The following PRKCE variants were observed in gnomAD, a reference collection of about 807,000 sequenced individuals.
PRKCE encodes protein kinase C epsilon type.
In PRKCE, 16 loss-of-function variants were observed where a neutral mutation model predicts 85.4. That is an observed-to-expected ratio of 0.19 (90% CI 0.13 to 0.28). The LOEUF (loss-of-function observed/expected upper bound fraction) is 0.28. PRKCE is among the 10% of genes least tolerant of loss of function. The pLI is 1.00. For missense variants in PRKCE, 573 were observed against 975.2 expected (o/e 0.59, Z 5.49); for synonymous variants, 388 against 371.5 (o/e 1.04, Z -0.51).
intron 11 of PRKCE, among the ~76,000 whole-genome samples, chr2:46,120,996 T>A (rs992478591): frequency 2.0e-5 from 3 of 152,226 alleles, no homozygotes; most frequent in Non-Finnish European, 4.4e-5. Context: ...AGATGATTTT[T>A]AAAAACCTAA....
chr2:46,101,333 G>A (rs1671201148), intron 11 of PRKCE, among the ~76,000 whole-genome samples: 1 of 152,188 alleles, frequency 6.6e-6, no homozygotes, highest in Admixed American at 6.5e-5. Flanking sequence ...ACCTCAGCCA[G>A]TTTAGAAAAA....
chr2:46,181,349 C>A (rs531273286), intron 14 of PRKCE, among the ~76,000 whole-genome samples: 117 of 152,278 alleles, frequency 7.7e-4, no homozygotes, highest in African/African-American at 2.6e-3. Flanking sequence ...AACTCACATG[C>A]ACCTGAAATG....
intron 1 of PRKCE, among the ~76,000 whole-genome samples, chr2:45,661,736 T>G (rs1660676754): frequency 6.6e-6 from 1 of 150,678 alleles, no homozygotes; most frequent in Non-Finnish European, 1.5e-5. Flanking sequence ...GGAAGGGGTT[T>G]CACCATGTTA....
chr2:45,895,982 G>A lies in PRKCE; in HGVS notation c.412+52919G>A, dbSNP rs1403396704. On this transcript the variant is annotated intron_variant, in intron 2 of 14. Coordinates refer to ENST00000306156, the MANE Select transcript of PRKCE (RefSeq NM_005400.3). The surrounding 1 kb of genome is among the most constrained non-coding windows in gnomAD (Gnocchi z 4.8). ...TGAAGGAGGGCACTTCAGGTAGAGC[G>A]TGGGCACTGCACAATGGTTGTCCTG... Among the ~76,000 whole-genome samples, 2 of 152,208 alleles carry A rather than the reference G, an allele frequency of 1.3e-5. No homozygotes were observed. Among genetic ancestry groups the A allele is most frequent in the Non-Finnish European group, 1.5e-5 (1 of 68,046 alleles).
chr2:46,186,722 T>TG lies in PRKCE; in HGVS notation c.*1842dup, dbSNP rs1680474689. ...GATAGAGATGGGGGAGAGAAAGGAA[T>TG]GTTTTTGATGGTGGTTTCAAAGCTC... is the stretch of plus-strand genomic sequence containing the variant. On this transcript the variant is annotated 3_prime_UTR_variant, in exon 15 of 15. Coordinates refer to ENST00000306156, the MANE Select transcript of PRKCE (RefSeq NM_005400.3). 2 of 152,748 alleles carry TG rather than the reference T, an allele frequency of 1.3e-5. No individual in the cohort carries two copies. Among genetic ancestry groups the TG allele is most frequent in the South Asian group, 4.1e-4 (2 of 4,828 alleles). The allele number at this position is 152,748 out of a possible 1,614,324, so 9.5% of individuals were successfully genotyped here.
chr2:45,876,219 T>A (rs1694468567), intron 2 of PRKCE, among the ~76,000 whole-genome samples: 1 of 152,222 alleles, frequency 6.6e-6, no homozygotes, highest in Non-Finnish European at 1.5e-5. Flanking sequence ...GAAAATCTCG[T>A]CAAATCACTT....
At chr2:45,794,225 C>T (rs900568211) in intron 1 of PRKCE, among the ~76,000 whole-genome samples, 3 of 152,088 alleles carry the variant, frequency 2.0e-5, no homozygotes, top group East Asian at 3.8e-4. Flanking sequence ...CGGATATCGA[C>T]GTTTTAAAAA....
At chr2:45,695,729 C>G (rs1678089175) in intron 1 of PRKCE, among the ~76,000 whole-genome samples, 1 of 152,156 alleles carries the variant, frequency 6.6e-6, no homozygotes, top group Admixed American at 6.5e-5. Flanking sequence ...TGAGATCACG[C>G]CACTGAACTC....
intron 14 of PRKCE, among the ~76,000 whole-genome samples, chr2:46,167,255 G>C (rs532698579): frequency 6.6e-6 from 1 of 152,130 alleles, no homozygotes; most frequent in African/African-American, 2.4e-5. Flanking sequence ...TCTGAGCCTC[G>C]GTCTGCTGAT....
At chr2:46,084,374 A>G (rs1669378869) in intron 10 of PRKCE, among the ~76,000 whole-genome samples, 2 of 152,182 alleles carry the variant, frequency 1.3e-5, no homozygotes, top group African/African-American at 4.8e-5. Flanking sequence ...CTGAGACCTA[A>G]TGGAAAATAA....
chr2:45,992,613 C>G (rs1400692314), intron 6 of PRKCE, among the ~76,000 whole-genome samples: 1 of 152,238 alleles, frequency 6.6e-6, no homozygotes, highest in Non-Finnish European at 1.5e-5. Flanking sequence ...CTGGCTCACC[C>G]TCAAGGGCCA....
chr2:45,737,210 G>T (rs1682144811), intron 1 of PRKCE, among the ~76,000 whole-genome samples: 1 of 152,198 alleles, frequency 6.6e-6, no homozygotes, highest in African/African-American at 2.4e-5. Context: ...ATGAAATCCT[G>T]AGAAGGAGGT....
rs6723958 is a variant in PRKCE, at chr2:46,106,165, T to C, written c.1592+19803T>C. On this transcript the variant is annotated intron_variant, in intron 11 of 14. Transcript: ENST00000306156. ...AAAAATCCATGTATTAGTGGACCTA[T>C]GTAGTTGAAACTCATGTTGTTCAAG... Among the ~76,000 whole-genome samples the C allele has an allele frequency of 8.6e-3, 1,316 of 152,316 alleles. 18 individuals carry two copies. The highest frequency in any genetic ancestry group is 0.031 in the African/African-American group (1,277 of 41,550).
At chr2:46,052,667 A>G (rs1376430264) in intron 10 of PRKCE, among the ~76,000 whole-genome samples, 1 of 152,240 alleles carries the variant, frequency 6.6e-6, no homozygotes, top group African/African-American at 2.4e-5. Context: ...TATGAAATTG[A>G]ATAAGATATG....
chr2:45,937,556 CA>C (rs539781456), intron 2 of PRKCE, among the ~76,000 whole-genome samples: 2 of 150,842 alleles, frequency 1.3e-5, no homozygotes, highest in East Asian at 1.9e-4. Flanking sequence ...ACTAAAAATA[CA>C]AAAAAAAATT....
intron 2 of PRKCE, among the ~76,000 whole-genome samples, chr2:45,875,375 C>G (rs1694397745): frequency 6.6e-6 from 1 of 152,250 alleles, no homozygotes; most frequent in African/African-American, 2.4e-5. Flanking sequence ...GCAATGTCCA[C>G]AACCATACTG....
At chr2:45,735,209 A>G (rs1453231318) in intron 1 of PRKCE, among the ~76,000 whole-genome samples, 2 of 152,254 alleles carry the variant, frequency 1.3e-5, no homozygotes, top group African/African-American at 2.4e-5. Context: ...GGTTCCACGC[A>G]TGGCAAGTCT....
Position 45,985,887 on chromosome 2 carries a change from G to A in PRKCE, c.823+1207G>A, listed in dbSNP as rs536314343. On this transcript the variant is annotated intron_variant, in intron 6 of 14. Coordinates refer to ENST00000306156, the MANE Select transcript of PRKCE (RefSeq NM_005400.3). ...CTGTTGGACATTCTCACTGACAGTT[G>A]GGGAATAGGTCTAGACTGAGCATTT... Among the ~76,000 whole-genome samples, 3 of 152,322 alleles carry A rather than the reference G, an allele frequency of 2.0e-5. No individual in the cohort carries two copies. In the South Asian group the frequency reaches 6.2e-4, roughly 32 times the overall value.
intron 10 of PRKCE, among the ~76,000 whole-genome samples, chr2:46,012,190 A>AT (rs1409243581): frequency 2.0e-5 from 3 of 152,214 alleles, no homozygotes; most frequent in Admixed American, 2.0e-4. Flanking sequence ...CATGGTGCCT[A>AT]TCACAGGGCC....
Sources: allele counts gnomAD v4.1 joint callset (sites outside exome capture counted in the v4.1 genomes callset), GRCh38; gene constraint gnomAD v4.1.1; non-coding constraint Gnocchi (gnomAD v3.1); transcripts MANE v1.5; gene names NCBI Gene and HGNC (gene_info 2026-07-23, HGNC 2026-07-21).